ATRNL1: variants seen among roughly 807,000 people sequenced by gnomAD.
ATRNL1 encodes the protein attractin-like protein 1.
A neutral mutation model predicts 182.7 loss-of-function variants in ATRNL1; 95 were observed. The observed-to-expected ratio is 0.52, with a 90% CI of 0.44 to 0.62. ATRNL1 has a LOEUF of 0.62. Among genes scored for constraint, ATRNL1 ranks in the 20% least tolerant of loss-of-function variants. The pLI is 0.00. For missense variants in ATRNL1, 1,471 were observed against 1,679.5 expected (o/e 0.88, Z 2.17); for synonymous variants, 576 against 568.3 (o/e 1.01, Z -0.19).
At chr10:115,923,928 T>A (rs1380364958) in intron 28 of ATRNL1, among the ~76,000 whole-genome samples, 1 of 152,210 alleles carries the variant, frequency 6.6e-6, no homozygotes, top group Non-Finnish European at 1.5e-5. Flanking sequence ...GTTTCTTGAC[T>A]TTTTAACAAT....
intron 26 of ATRNL1, among the ~76,000 whole-genome samples, chr10:115,667,412 G>A (rs1021284783): frequency 3.3e-5 from 5 of 152,096 alleles, no homozygotes; most frequent in African/African-American, 9.7e-5. Flanking sequence ...TCCATGTTTT[G>A]TTGGCTTATG....
chr10:115,800,367 T>G (rs1303968752), intron 27 of ATRNL1, among the ~76,000 whole-genome samples: 1 of 152,198 alleles, frequency 6.6e-6, no homozygotes, highest in African/African-American at 2.4e-5. Context: ...TTGTCATATT[T>G]CTGCTATACT....
At position 115,270,316 on chromosome 10, in the gene ATRNL1, A is replaced by G. The variant is rs1851795292; in HGVS notation, c.2100+1872A>G. Among the ~76,000 whole-genome samples, 4 of 145,470 alleles carry G rather than the reference A, an allele frequency of 2.7e-5. No individual in the cohort carries two copies. In the Admixed American group the frequency reaches 2.8e-4, roughly 10 times the overall value. ...GTTTATATATTTGTTTATATATTAT[A>G]TATAAATATATTTGTTTATATATTA... On this transcript the variant is annotated intron_variant, in intron 13 of 28. Coordinates refer to ENST00000355044, the MANE Select transcript of ATRNL1 (RefSeq NM_207303.4).
chr10:115,194,119 A>G (rs575587189), intron 8 of ATRNL1, among the ~76,000 whole-genome samples: 1 of 152,018 alleles, frequency 6.6e-6, no homozygotes, highest in African/African-American at 2.4e-5. Flanking sequence ...GTCCTAATGA[A>G]TTGTCTATCT....
chr10:115,726,430 G>A (rs189469718), intron 26 of ATRNL1, among the ~76,000 whole-genome samples: 387 of 152,258 alleles, frequency 2.5e-3, no homozygotes, highest in African/African-American at 9.1e-3. Flanking sequence ...AATGAGAAGG[G>A]CAAGAATTGC....
Position 115,847,943 on chromosome 10 carries a change from C to A in ATRNL1, c.3970C>A (p.Leu1324Ile), listed in dbSNP as rs1555099332. ...GNRAAVLTVF[L>I]CLPRGSSGAP... ...CAGAGCTGCTGTTCTGACTGTGTTT[C>A]TTTGTCTACCACGAGGATCATCAGG... Residue 1324 changes from leucine to isoleucine, a missense_variant, in exon 28 of 29, where the codon CTT becomes ATT. Physicochemically the swap from Leu to Ile is conservative, Grantham distance 5. This residue lies in a region of ATRNL1 where 437 missense variants were observed against 506.0 expected (regional missense o/e 0.86). Transcript: ENST00000355044. The A allele has an allele frequency of 6.2e-7, 1 of 1,612,816 alleles. No homozygotes were observed. The highest frequency in any genetic ancestry group is 8.5e-7 in the Non-Finnish European group (1 of 1,179,098).
At chr10:115,299,167 A>C (rs1232172183) in intron 15 of ATRNL1, among the ~76,000 whole-genome samples, 1 of 151,842 alleles carries the variant, frequency 6.6e-6, no homozygotes, top group African/African-American at 2.4e-5. Flanking sequence ...TGGAAAATAA[A>C]TCTATTATCA....
At chr10:115,263,881 A>G (rs1417963618) in intron 10 of ATRNL1, among the ~76,000 whole-genome samples, 1 of 151,722 alleles carries the variant, frequency 6.6e-6, no homozygotes, top group East Asian at 1.9e-4. Flanking sequence ...ACATTGGGAA[A>G]ACACTGTGTT....
At chr10:115,551,544 A>G (rs934253155) in intron 26 of ATRNL1, among the ~76,000 whole-genome samples, 2 of 151,430 alleles carry the variant, frequency 1.3e-5, no homozygotes, top group African/African-American at 2.4e-5. Context: ...GCTTCTTTCT[A>G]TTAAAGTGTA....
chr10:115,281,836 T>A (rs1377479910), intron 14 of ATRNL1, among the ~76,000 whole-genome samples: 1 of 150,560 alleles, frequency 6.6e-6, no homozygotes, highest in African/African-American at 2.4e-5. Context: ...TGCCTTTTAT[T>A]TTCCAAACTC....
chr10:115,267,027 T>C, intron 12 of ATRNL1, 22 bp downstream of exon 12: 1 of 1,536,168 alleles, frequency 6.5e-7, no homozygotes, highest in Non-Finnish European at 8.9e-7. Context: ...TTTCTTTTCG[T>C]CTTTGTGGCA....
intron 19 of ATRNL1, among the ~76,000 whole-genome samples, chr10:115,393,988 C>T (rs1443658412): frequency 6.6e-6 from 1 of 151,968 alleles, no homozygotes; most frequent in East Asian, 1.9e-4. Flanking sequence ...TAAAAGGATA[C>T]TCTAAAAGGA....
intron 26 of ATRNL1, among the ~76,000 whole-genome samples, chr10:115,646,036 T>TACACACACACACACACACAC (rs58679995): frequency 2.2e-3 from 315 of 141,638 alleles, no homozygotes; most frequent in Non-Finnish European, 3.4e-3. Flanking sequence ...TTTTAAAATT[T>TACACACACACACACACACAC]ACACACACAC....
chr10:115,350,603 C>T (rs1323973058), intron 19 of ATRNL1, among the ~76,000 whole-genome samples: 1 of 151,964 alleles, frequency 6.6e-6, no homozygotes, highest in African/African-American at 2.4e-5. Context: ...GGGTTTATTT[C>T]TGGCCTCTCT....
intron 27 of ATRNL1, among the ~76,000 whole-genome samples, chr10:115,809,002 CAT>C (rs573176772): frequency 4.4e-4 from 67 of 152,056 alleles, no homozygotes; most frequent in African/African-American, 1.6e-3. Context: ...TATTTTGGCA[CAT>C]GTTTTGTTTG....
chr10:115,484,262 T>C (rs1592721867), intron 24 of ATRNL1, among the ~76,000 whole-genome samples: 1 of 151,700 alleles, frequency 6.6e-6, no homozygotes, highest in East Asian at 1.9e-4. Context: ...TTTCATTTTG[T>C]TTTATCATAT....
chr10:115,594,861 G>A (rs1555013485), intron 26 of ATRNL1, among the ~76,000 whole-genome samples: 1 of 152,176 alleles, frequency 6.6e-6, no homozygotes, highest in Non-Finnish European at 1.5e-5. Context: ...CAGGTGGTTT[G>A]TGGCTCCAAG....
At chr10:115,883,408 A>G (rs1012672850) in intron 28 of ATRNL1, among the ~76,000 whole-genome samples, 3 of 152,250 alleles carry the variant, frequency 2.0e-5, no homozygotes, top group Non-Finnish European at 4.4e-5. Flanking sequence ...ATGGGTGGAT[A>G]TGTGTACCAA....
At position 115,606,987 on chromosome 10, in the gene ATRNL1, A is replaced by G. The variant is rs1417735176; in HGVS notation, c.3795+57451A>G. ...TGATGCGTGATAAAGTATGAGGGAC[A>G]TTGTCTTCTTGCACTGCTAAATGTA... On this transcript the variant is annotated intron_variant, in intron 26 of 28. Transcript: ENST00000355044. Among the ~76,000 whole-genome samples, 6 of 151,964 alleles carry G rather than the reference A, an allele frequency of 3.9e-5. No individual in the cohort carries two copies. The East Asian group carries it at 1.2e-3, about 29-fold the overall frequency.
Sources: gnomAD v4.1 joint callset for allele counts (sites outside exome capture counted in the v4.1 genomes callset) on GRCh38, gnomAD v4.1.1 for gene constraint, gnomAD v4.1.1 regional missense constraint, MANE v1.5 for transcripts, NCBI Gene and HGNC (gene_info 2026-07-23, HGNC 2026-07-21) for gene names.